The following PAX7 variants were observed in gnomAD, a reference collection of about 807,000 sequenced individuals.
The protein encoded by PAX7 is paired box 7, also known as paired box protein Pax-7.
A neutral mutation model predicts 50.7 loss-of-function variants in PAX7; 18 were observed. The ratio of observed to expected loss-of-function variants is 0.36; its 90% CI spans 0.25 to 0.53. The LOEUF (loss-of-function observed/expected upper bound fraction) is 0.53. Among genes scored for constraint, PAX7 ranks in the 20% least tolerant of loss-of-function variants. PAX7 has a pLI of 0.93. For synonymous variants in PAX7, 310 were observed against 290.4 expected (o/e 1.07, Z -0.69); for missense variants, 644 against 702.9 (o/e 0.92, Z 0.95).
chr1:18,725,550 G>A (rs951821783), intron 7 of PAX7, among the ~76,000 whole-genome samples: 1 of 152,240 alleles, frequency 6.6e-6, no homozygotes, highest in Non-Finnish European at 1.5e-5. Context: ...GAGCAGGGAA[G>A]GGAGGGGGAG....
At chr1:18,734,631 T>A (rs1466118498) in intron 7 of PAX7, among the ~76,000 whole-genome samples, 1 of 152,162 alleles carries the variant, frequency 6.6e-6, no homozygotes, top group Non-Finnish European at 1.5e-5. Context: ...CTGCCAAGGA[T>A]GACTGGGTGC....
intron 4 of PAX7, among the ~76,000 whole-genome samples, chr1:18,677,810 G>A (rs774292549): frequency 9.9e-5 from 15 of 152,110 alleles, no homozygotes; most frequent in Admixed American, 2.6e-4. Flanking sequence ...CTAGCCAGGC[G>A]CAGTGGCTCA....
intron 4 of PAX7, among the ~76,000 whole-genome samples, chr1:18,648,066 G>A (rs1271497720): frequency 6.6e-6 from 1 of 152,186 alleles, no homozygotes; most frequent in Non-Finnish European, 1.5e-5. Flanking sequence ...ACAGGCAGAG[G>A]CTGGGCAGCC....
At chr1:18,744,735 T>G in intron 8 of PAX7, 79 bp from the exon 9 acceptor site, 1 of 761,550 alleles carries the variant, frequency 1.3e-6, no homozygotes, top group Non-Finnish European at 2.3e-6. Context: ...GATGGATGGA[T>G]GGATGGGTGT....
intron 4 of PAX7, among the ~76,000 whole-genome samples, chr1:18,646,307 C>A (rs988344989): frequency 1.3e-5 from 2 of 152,156 alleles, no homozygotes; most frequent in Admixed American, 1.3e-4. Context: ...GGCCTGGTGG[C>A]CCATACAGGG....
chr1:18,731,321 T>A (rs191666793), intron 7 of PAX7, among the ~76,000 whole-genome samples: 12 of 152,184 alleles, frequency 7.9e-5, no homozygotes, highest in Non-Finnish European at 1.0e-4. Flanking sequence ...TTTAGGCCCA[T>A]AGGGCTCTGT....
chr1:18,700,864 CTTCT>C lies in PAX7; in HGVS notation c.952+53_952+56del. On this transcript the variant is annotated intron_variant, in intron 6 of 8. Transcript: ENST00000420770. The surrounding 1 kb of genome is among the most constrained non-coding windows in gnomAD (Gnocchi z 4.8). ...CTGCCATCTCAGTGGTGCCCCTTCC[CTTCT>C]TTCTTTACTTTCACTTACAAAGGCT... The C allele has an allele frequency of 7.5e-7, 1 of 1,334,358 alleles. No individual in the cohort carries two copies. The highest frequency in any genetic ancestry group is 9.7e-7 in the Non-Finnish European group (1 of 1,028,094). The allele number at this position is 1,334,358 out of a possible 1,614,324, so 82.7% of individuals were successfully genotyped here.
intron 3 of PAX7, among the ~76,000 whole-genome samples, chr1:18,635,915 A>C (rs1407970015): frequency 6.6e-6 from 1 of 151,942 alleles, no homozygotes; most frequent in Non-Finnish European, 1.5e-5. Context: ...GAGACTCCAG[A>C]GAGGCCCTGG....
intron 7 of PAX7, among the ~76,000 whole-genome samples, chr1:18,721,332 C>A (rs1202403661): frequency 1.3e-5 from 2 of 152,128 alleles, no homozygotes; most frequent in African/African-American, 2.4e-5. Flanking sequence ...ATGTCCCCAC[C>A]CCCAAGGCCT....
At chr1:18,676,402 T>G (rs1336966749) in intron 4 of PAX7, among the ~76,000 whole-genome samples, 172 of 71,332 alleles carry the variant, frequency 2.4e-3, no homozygotes, top group South Asian at 4.1e-3. Context: ...GGAGAGAGGG[T>G]GGGGAGGGGG....
intron 4 of PAX7, among the ~76,000 whole-genome samples, chr1:18,648,338 G>T (rs1222075902): frequency 1.2e-4 from 15 of 127,612 alleles, no homozygotes; most frequent in Admixed American, 3.2e-4. Flanking sequence ...CTTTATTTTT[G>T]TCTTTTTTTT....
chr1:18,704,929 G>A (rs1169601342), intron 7 of PAX7, among the ~76,000 whole-genome samples: 1 of 152,180 alleles, frequency 6.6e-6, no homozygotes, highest in South Asian at 2.1e-4. Flanking sequence ...GCCTCCCAAG[G>A]TTGCTGGGGA....
intron 4 of PAX7, among the ~76,000 whole-genome samples, chr1:18,671,707 G>C (rs1362729611): frequency 2.0e-5 from 3 of 152,180 alleles, no homozygotes; most frequent in Admixed American, 6.5e-5. Flanking sequence ...GAACAGGCCA[G>C]GCCTGGTGGT....
intron 4 of PAX7, among the ~76,000 whole-genome samples, chr1:18,690,314 G>A (rs746022851): frequency 1.4e-4 from 21 of 152,242 alleles, no homozygotes; most frequent in Admixed American, 7.2e-4. Context: ...GAGTGGGGAG[G>A]AAGGAAGGTA....
chr1:18,713,191 C>T lies in PAX7; in HGVS notation c.1155+9895C>T, dbSNP rs193155903. On this transcript the variant is annotated intron_variant, in intron 7 of 8. Transcript: ENST00000420770. ...GGTGTGGGCAGGAGCTGACCTCTGC[C>T]CCTTTACACAGATGGAGTAGAGGCC... 1.4e-3 allele frequency among the ~76,000 whole-genome samples: 213 copies of T among 152,232 alleles called. 1 individual carries two copies. Among genetic ancestry groups the T allele is most frequent in the African/African-American group, 4.3e-3 (180 of 41,538 alleles).
At chr1:18,706,430 A>AT (rs1388926278) in intron 7 of PAX7, among the ~76,000 whole-genome samples, 3 of 147,250 alleles carry the variant, frequency 2.0e-5, no homozygotes, top group South Asian at 2.2e-4. Flanking sequence ...ACTGGAAGGA[A>AT]TTTTTTTCTT....
At chr1:18,670,458 A>T (rs943854457) in intron 4 of PAX7, among the ~76,000 whole-genome samples, 3 of 152,162 alleles carry the variant, frequency 2.0e-5, no homozygotes, top group Non-Finnish European at 2.9e-5. Flanking sequence ...GCCCAGGCCC[A>T]GGGGACCTGT....
chr1:18,710,165 T>C (rs1280668531), intron 7 of PAX7, among the ~76,000 whole-genome samples: 1 of 152,170 alleles, frequency 6.6e-6, no homozygotes, highest in Non-Finnish European at 1.5e-5. Context: ...ACAGCAACCC[T>C]ACTCTTGGGG....
intron 4 of PAX7, among the ~76,000 whole-genome samples, chr1:18,679,039 T>G (rs1386572555): frequency 6.6e-6 from 1 of 152,116 alleles, no homozygotes; most frequent in Non-Finnish European, 1.5e-5. Context: ...TAGTGAGGTG[T>G]TGTGATTTGC....
Sources: allele counts gnomAD v4.1 joint callset (sites outside exome capture counted in the v4.1 genomes callset), GRCh38; gene constraint gnomAD v4.1.1; non-coding constraint Gnocchi (gnomAD v3.1); transcripts MANE v1.5; gene names NCBI Gene and HGNC (gene_info 2026-07-23, HGNC 2026-07-21).